The following VWCE variants were observed in gnomAD, a reference collection of about 807,000 sequenced individuals.
The protein encoded by VWCE is von Willebrand factor C and EGF domain-containing protein.
Under a neutral mutation model 102.9 loss-of-function variants are expected in VWCE, and 68 were observed. That is an observed-to-expected ratio of 0.66 (90% CI 0.54 to 0.81). The LOEUF (loss-of-function observed/expected upper bound fraction) is 0.81, where lower values mean the gene tolerates loss of function less well. Ranked by LOEUF, VWCE falls within the 30% of genes least tolerant of loss-of-function variation. The pLI is 0.00. For missense variants in VWCE, 1,137 were observed against 1,263.6 expected (o/e 0.90, Z 1.52); for synonymous variants, 497 against 515.4 (o/e 0.96, Z 0.48).
chr11:61,279,897 T>A (rs1855061354), intron 9 of VWCE, among the ~76,000 whole-genome samples: 1 of 152,112 alleles, frequency 6.6e-6, no homozygotes, highest in Non-Finnish European at 1.5e-5. Context: ...GGCTAACTTT[T>A]TGTATTTTTT....
intron 4 of VWCE, among the ~76,000 whole-genome samples, chr11:61,290,384 C>T (rs1416687225): frequency 9.2e-5 from 14 of 151,958 alleles, no homozygotes; most frequent in African/African-American, 3.1e-4. Flanking sequence ...TGGTGGCACC[C>T]GCCTGTAATC....
chr11:61,283,296 A>T (rs138341802), intron 5 of VWCE, among the ~76,000 whole-genome samples: 1 of 152,314 alleles, frequency 6.6e-6, no homozygotes, highest in East Asian at 1.9e-4. Flanking sequence ...ACCTCATCTT[A>T]GGGTAAGACA....
intron 9 of VWCE, among the ~76,000 whole-genome samples, chr11:61,280,207 T>A (rs1467251137): frequency 6.6e-6 from 1 of 151,946 alleles, no homozygotes; most frequent in Non-Finnish European, 1.5e-5. Flanking sequence ...AAACAACTAC[T>A]CCTCCGCCTG....
rs1449607756 is a variant in VWCE, at chr11:61,295,210, G to C, written c.-173C>G. 2.5e-6 allele frequency: 1 copy of C among 395,764 alleles called. No homozygotes were observed. The highest frequency in any genetic ancestry group is 4.4e-6 in the Non-Finnish European group (1 of 227,376). 24.5% of individuals were successfully genotyped at this position (395,764 alleles called of 1,614,324 possible). The stretch of plus-strand genomic sequence containing the variant: ...TGGGACGCCGAGAGGAGGGGCCGAG[G>C]GCCGCGAGGGGACGCGGCGGACGAT... On this transcript the variant is annotated 5_prime_UTR_variant, in exon 1 of 20. Transcript: ENST00000335613. The surrounding 1 kb of genome is among the most constrained non-coding windows in gnomAD (Gnocchi z 4.6).
chr11:61,289,414 T>C (rs1855429934), intron 4 of VWCE, among the ~76,000 whole-genome samples: 1 of 151,790 alleles, frequency 6.6e-6, no homozygotes, highest in African/African-American at 2.4e-5. Flanking sequence ...CTACACCAGC[T>C]AGTTTTTGTG....
intron 5 of VWCE, 183 bp downstream of exon 5, chr11:61,286,131 G>A (rs1461915557): frequency 1.5e-6 from 1 of 676,334 alleles, no homozygotes; most frequent in South Asian, 1.7e-5. Flanking sequence ...CTTGGCCTTG[G>A]GCAAGCCTCA....
intron 19 of VWCE, among the ~76,000 whole-genome samples, chr11:61,263,384 C>A (rs1285221711): frequency 2.0e-5 from 3 of 151,752 alleles, no homozygotes; most frequent in Non-Finnish European, 4.4e-5. Flanking sequence ...CGAAATAAGC[C>A]AGACACACAA....
intron 11 of VWCE, among the ~76,000 whole-genome samples, chr11:61,275,230 G>A (rs1278656268): frequency 6.6e-6 from 1 of 152,170 alleles, no homozygotes; most frequent in Non-Finnish European, 1.5e-5. Flanking sequence ...ACCACCCCCT[G>A]GAGGCTGTGA....
chr11:61,270,769 T>C (rs1208719319), intron 14 of VWCE, among the ~76,000 whole-genome samples: 1 of 151,892 alleles, frequency 6.6e-6, no homozygotes, highest in African/African-American at 2.4e-5. Flanking sequence ...TGAAGATTCC[T>C]AATTCTTACT....
At chr11:61,289,941 G>A (rs1855447301) in intron 4 of VWCE, among the ~76,000 whole-genome samples, 2 of 152,326 alleles carry the variant, frequency 1.3e-5, no homozygotes, top group Non-Finnish European at 2.9e-5. Context: ...ACAAGAAACT[G>A]GTCACAGTGA....
intron 8 of VWCE, 29 bp downstream of exon 8, chr11:61,280,764 A>G (rs754243888): frequency 5.0e-6 from 8 of 1,612,440 alleles, no homozygotes; most frequent in Non-Finnish European, 6.8e-6. Flanking sequence ...CCCCAGACCA[A>G]GGAAGCTCCG....
chr11:61,269,111 C>T (rs1854595791), intron 14 of VWCE, 93 bp from the exon 15 acceptor site: 1 of 1,207,682 alleles, frequency 8.3e-7, no homozygotes, highest in Admixed American at 2.0e-5. Context: ...TGCAAACTGG[C>T]CAAGGCTTGC....
chr11:61,260,147 C>T (rs1854309868), intron 19 of VWCE, among the ~76,000 whole-genome samples: 1 of 152,112 alleles, frequency 6.6e-6, no homozygotes, highest in African/African-American at 2.4e-5. Context: ...CCCAGCTACT[C>T]GGGAGGCTGA....
At chr11:61,291,633 C>G in intron 1 of VWCE, 57 bp from the exon 2 acceptor site, 1 of 1,330,838 alleles carries the variant, frequency 7.5e-7, no homozygotes, top group South Asian at 1.9e-5. Flanking sequence ...CATTGGTCAA[C>G]AGGAAAGTCT....
chr11:61,270,839 T>G (rs1022310575), intron 14 of VWCE, among the ~76,000 whole-genome samples: 23 of 151,920 alleles, frequency 1.5e-4, no homozygotes, highest in African/African-American at 5.3e-4. Flanking sequence ...TTTTTTTTTT[T>G]TTTTTTGAAA....
At position 61,280,688 on chromosome 11, in the gene VWCE, C is replaced by T; in HGVS notation, c.1260G>A (p.Arg420=). The change falls in exon 9 of 20, where the codon AGG becomes AGA. Residue 420 remains arginine (R), a synonymous_variant. Transcript: ENST00000335613. ...EDGKVTCEKV[R]CEAACSHPIP... ...TTGGGTGGGAACAAGCAGCTTCACA[C>T]CTCACCTTTTCACAGGTCACCTTCC... The T allele has an allele frequency of 6.2e-7, 1 of 1,614,064 alleles. No homozygotes were observed. The highest frequency in any genetic ancestry group is 8.5e-7 in the Non-Finnish European group (1 of 1,180,032).
Position 61,294,720 on chromosome 11 carries a change from A to G in VWCE, c.110+208T>C, listed in dbSNP as rs1307119319. Among the ~76,000 whole-genome samples the G allele has an allele frequency of 6.6e-6, 1 of 152,098 alleles. No homozygotes were observed. Among genetic ancestry groups the G allele is most frequent in the East Asian group, 1.9e-4 (1 of 5,156 alleles). On this transcript the variant is annotated intron_variant, in intron 1 of 19. Transcript: ENST00000335613. The surrounding 1 kb of genome is among the most constrained non-coding windows in gnomAD (Gnocchi z 6.3). ...CCCAGGTCCCAGTCTGGACAGCCCC[A>G]GCCAGGGGGGCACGATGAGCACCCG... is the stretch of plus-strand genomic sequence containing the variant.
chr11:61,264,925 G>A (rs1220996179), intron 18 of VWCE, 31 bp downstream of exon 18: 2 of 1,610,944 alleles, frequency 1.2e-6, no homozygotes, highest in East Asian at 2.2e-5. Context: ...CCTCTGGCGG[G>A]GCCGCTCCTG....
chr11:61,267,664 C>T, intron 15 of VWCE, 120 bp from the exon 16 acceptor site: 2 of 852,674 alleles, frequency 2.3e-6, no homozygotes, highest in Middle Eastern at 2.6e-4. Context: ...CCTCCCCAGG[C>T]AGTCACCCTG....
Sources: allele counts gnomAD v4.1 joint callset (sites outside exome capture counted in the v4.1 genomes callset), GRCh38; gene constraint gnomAD v4.1.1; non-coding constraint Gnocchi (gnomAD v3.1); transcripts MANE v1.5; gene names NCBI Gene and HGNC (gene_info 2026-07-23, HGNC 2026-07-21).